MAK16: variants seen among roughly 807,000 people sequenced by gnomAD.
The protein encoded by MAK16 is protein MAK16 homolog.
Under a neutral mutation model 49.9 loss-of-function variants are expected in MAK16, and 12 were observed. The ratio of observed to expected loss-of-function variants is 0.24; its 90% CI spans 0.15 to 0.39. MAK16 has a LOEUF of 0.39. Among genes scored for constraint, MAK16 ranks in the 10% least tolerant of loss-of-function variants. MAK16 has a pLI of 1.00. For missense variants in MAK16, 292 were observed against 363.7 expected (o/e 0.80, Z 1.60); for synonymous variants, 115 against 126.4 (o/e 0.91, Z 0.60).
intron 4 of MAK16, 94 bp downstream of exon 4, chr8:33,488,892 T>G: frequency 6.2e-7 from 1 of 1,601,638 alleles, no homozygotes; most frequent in South Asian, 1.1e-5. Flanking sequence ...CATTAACTTT[T>G]GAGGCCATCC....
intron 1 of MAK16, 91 bp from the exon 2 acceptor site, chr8:33,488,287 C>T (rs914648150): frequency 2.4e-5 from 31 of 1,318,864 alleles, no homozygotes; most frequent in Non-Finnish European, 3.0e-5. Flanking sequence ...ATTTCTTCCT[C>T]TCATTCCTGT....
In MAK16 at chr8:33,500,619, AAAAG is replaced by A; in HGVS notation, c.*1992_*1995del. ...AGGAACTTAGGTCAAAGTTAAATGAAAAAGACCTAAAAACAGAACCAAAGACAGC... is the reference window on the plus strand; with the variant it reads ...AGGAACTTAGGTCAAAGTTAAATGAAACCTAAAAACAGAACCAAAGACAGC... On this transcript the variant is annotated 3_prime_UTR_variant, in exon 10 of 10. Coordinates refer to ENST00000360128, the MANE Select transcript of MAK16 (RefSeq NM_032509.4). The A allele has an allele frequency of 8.7e-7, 1 of 1,143,538 alleles. No homozygotes were observed. Among genetic ancestry groups the A allele is most frequent in the Non-Finnish European group, 1.2e-6 (1 of 821,444 alleles). 70.8% of individuals were successfully genotyped at this position (1,143,538 alleles called of 1,614,324 possible).
chr8:33,497,017 G>A (rs1808871912), intron 8 of MAK16, among the ~76,000 whole-genome samples: 2 of 152,028 alleles, frequency 1.3e-5, no homozygotes, highest in Admixed American at 6.6e-5. Flanking sequence ...ACCATAATGA[G>A]GATGTTTTAT....
chr8:33,497,623 G>T (rs1234270431), intron 9 of MAK16, among the ~76,000 whole-genome samples: 1 of 151,852 alleles, frequency 6.6e-6, no homozygotes, highest in East Asian at 2.0e-4. Flanking sequence ...CTCCCAAGTA[G>T]CTGGAATTAC....
Position 33,500,328 on chromosome 8 carries a change from CT to C in MAK16, c.*1702del. ...GAAACCAAGTTTCAGTCTGCCTTAC[CT>C]TTACCCGTCCTTGAGAACAGCGGTC... is the stretch of plus-strand genomic sequence containing the variant. On this transcript the variant is annotated 3_prime_UTR_variant, in exon 10 of 10. Transcript: ENST00000360128. 1 of 1,614,040 alleles carries C rather than the reference CT, an allele frequency of 6.2e-7. No homozygotes were observed. The highest frequency in any genetic ancestry group is 8.5e-7 in the Non-Finnish European group (1 of 1,179,980).
chr8:33,498,117 T>C (rs1402416731), intron 9 of MAK16, among the ~76,000 whole-genome samples: 13 of 131,134 alleles, frequency 9.9e-5, no homozygotes, highest in Admixed American at 9.7e-4. Context: ...AAAAAAAAAA[T>C]TAAAATTCAG....
At position 33,496,698 on chromosome 8, in the gene MAK16, C is replaced by A; in HGVS notation, c.596C>A (p.Ser199Tyr). 6.2e-7 allele frequency: 1 copy of A among 1,613,186 alleles called. No individual in the cohort carries two copies. Among genetic ancestry groups the A allele is most frequent in the South Asian group, 1.1e-5 (1 of 90,954 alleles). ...ALEQQEAESDSSDTEEKDDDD... is the reference protein window; with the variant it reads ...ALEQQEAESDYSDTEEKDDDD... ...GAACAACAGGAGGCAGAGAGTGACT[C>A]TTCAGATACTGAGGAAAAAGATGAT... Residue 199 changes from serine (S) to tyrosine (Y), a missense_variant, in exon 8 of 10, where the codon TCT becomes TAT. Coordinates refer to ENST00000360128, the MANE Select transcript of MAK16 (RefSeq NM_032509.4).
intron 1 of MAK16, 131 bp downstream of exon 1, chr8:33,485,352 C>T (rs1231640627): frequency 1.6e-6 from 2 of 1,229,274 alleles, no homozygotes; most frequent in Admixed American, 1.8e-5. Context: ...CTTCCGGAAC[C>T]CCGATTTTCC....
rs955203229 is a variant in MAK16 at position 33,489,743 on chromosome 8, A to G, written c.393-542A>G. Among the ~76,000 whole-genome samples, 1 of 152,216 alleles carries G rather than the reference A, an allele frequency of 6.6e-6. No homozygotes were observed. The highest frequency in any genetic ancestry group is 1.5e-5 in the Non-Finnish European group (1 of 68,046). ...TAGAGATTTGAAAATGATCTAAGAC[A>G]TGTGACTATACAGGAATGTAAGAAC... On this transcript the variant is annotated intron_variant, in intron 5 of 9. Coordinates refer to ENST00000360128, the MANE Select transcript of MAK16 (RefSeq NM_032509.4). The surrounding 1 kb of genome is among the most constrained non-coding windows in gnomAD (Gnocchi z 4.2).
chr8:33,496,722 A>G lies in MAK16; in HGVS notation c.620A>G (p.Asp207Gly). ...SDSSDTEEKD[D>G]DDDDEEDVGK... ...TCTTCAGATACTGAGGAAAAAGATGATGATGATGATGATGAGGAAGTAAGT... is the reference window on the plus strand; with the variant it reads ...TCTTCAGATACTGAGGAAAAAGATGGTGATGATGATGATGAGGAAGTAAGT... Residue 207 changes from aspartate (D) to glycine (G), a missense_variant, in exon 8 of 10, where the codon GAT (aspartate) becomes GGT (glycine). Physicochemically the swap from Asp to Gly is moderately conservative, Grantham distance 94 (BLOSUM62 -1). Transcript: ENST00000360128. 1 of 1,609,568 alleles carries G rather than the reference A, an allele frequency of 6.2e-7. No homozygotes were observed. Among genetic ancestry groups the G allele is most frequent in the South Asian group, 1.1e-5 (1 of 90,198 alleles).
rs1378678077 is a variant in MAK16 at position 33,488,795 on chromosome 8, A to AC, written c.238dup (p.Arg80ProfsTer5). ...CGGCTTTTCCTCGGCGTCTCTGGGA[A>AC]CGGGTAAGCCTTACAACAAAACTAC... is the stretch of plus-strand genomic sequence containing the variant. On this transcript the variant is annotated frameshift_variant, in exon 4 of 10. Transcript: ENST00000360128. LOFTEE classifies it high-confidence loss of function. 1 of 1,614,202 alleles carries AC rather than the reference A, an allele frequency of 6.2e-7. No individual in the cohort carries two copies. The highest frequency in any genetic ancestry group is 8.5e-7 in the Non-Finnish European group (1 of 1,180,028).
Position 33,490,312 on chromosome 8 carries a change from G to A in MAK16, c.420G>A (p.Lys140=). 3 of 1,613,152 alleles carry A rather than the reference G, an allele frequency of 1.9e-6. No homozygotes were observed. The highest frequency in any genetic ancestry group is 2.5e-6 in the Non-Finnish European group (3 of 1,179,226). ...GGAAACTTGTTCCTTTGAGTAAGAA[G>A]GTGGAGCGTAGGGAGAAAAGAAGAG... ...RQRKLVPLSK[K]VERREKRREE... Residue 140 remains lysine (K), a synonymous_variant, in exon 6 of 10, where the codon AAG becomes AAA. Coordinates refer to ENST00000360128, the MANE Select transcript of MAK16 (RefSeq NM_032509.4).
chr8:33,494,412 A>T (rs1808824258), intron 6 of MAK16, among the ~76,000 whole-genome samples: 2 of 152,226 alleles, frequency 1.3e-5, no homozygotes, highest in South Asian at 4.1e-4. Context: ...CCATTAGATA[A>T]CCAGCATACT....
intron 1 of MAK16, among the ~76,000 whole-genome samples, chr8:33,486,125 G>A (rs567103768): frequency 6.6e-6 from 1 of 152,344 alleles, no homozygotes; most frequent in South Asian, 2.1e-4. Flanking sequence ...GCTTGCCAGG[G>A]CGAGGTCATG....
At chr8:33,486,680 A>G (rs776932558) in intron 1 of MAK16, among the ~76,000 whole-genome samples, 6 of 152,244 alleles carry the variant, frequency 3.9e-5, no homozygotes, top group Non-Finnish European at 8.8e-5. Flanking sequence ...TTGGTGATGG[A>G]TTAAGTGAAG....
At position 33,499,456 on chromosome 8, in the gene MAK16, G is replaced by C; in HGVS notation, c.*827G>C. ...TTTTTATTATTTTTAAATTTATATA[G>C]CTCTCATGTATTGAAGGTGCTACTT... On this transcript the variant is annotated 3_prime_UTR_variant, in exon 10 of 10. Transcript: ENST00000360128. 2 of 564,516 alleles carry C rather than the reference G, an allele frequency of 3.5e-6. No homozygotes were observed. Among genetic ancestry groups the C allele is most frequent in the South Asian group, 4.2e-5 (2 of 47,974 alleles). The allele number at this position is 564,516 out of a possible 1,614,324, so 35.0% of individuals were successfully genotyped here. A position where few individuals can be genotyped will look rare whatever the true frequency, so the allele number is the denominator to read the frequency against.
intron 6 of MAK16, among the ~76,000 whole-genome samples, chr8:33,491,673 G>C (rs936665532): frequency 1.0e-5 from 1 of 99,834 alleles, no homozygotes; most frequent in Admixed American, 1.6e-4. Flanking sequence ...TCACTCTATT[G>C]TCCAGGCTGG....
chr8:33,485,401 C>T (rs1250342531), intron 1 of MAK16, 180 bp downstream of exon 1: 12 of 766,016 alleles, frequency 1.6e-5, no homozygotes, highest in Non-Finnish European at 2.6e-5. Flanking sequence ...GGGTTTACTG[C>T]CCGCTGCCCC....
intron 1 of MAK16, chr8:33,485,587 C>T (rs1808675388): frequency 2.8e-6 from 1 of 354,604 alleles, no homozygotes; most frequent in African/African-American, 2.0e-5. Flanking sequence ...GTTTAAGCGT[C>T]CTTCTCATCC....
Sources: allele counts gnomAD v4.1 joint callset (sites outside exome capture counted in the v4.1 genomes callset), GRCh38; gene constraint gnomAD v4.1.1; non-coding constraint Gnocchi (gnomAD v3.1); transcripts MANE v1.5; gene names NCBI Gene and HGNC (gene_info 2026-07-23, HGNC 2026-07-21).